Variants in RFX6 observed in about 807,000 individuals in gnomAD.
RFX6 encodes the protein regulatory factor X6, also known as DNA-binding protein RFX6.
A neutral mutation model predicts 110.8 loss-of-function variants in RFX6; 50 were observed. That is an observed-to-expected ratio of 0.45 (90% CI 0.36 to 0.57). The LOEUF (loss-of-function observed/expected upper bound fraction) is 0.57, where lower values mean the gene tolerates loss of function less well. Ranked by LOEUF, RFX6 falls within the 20% of genes least tolerant of loss-of-function variation. The pLI is 0.00. For synonymous variants in RFX6, 383 were observed against 411.2 expected (o/e 0.93, Z 0.83); for missense variants, 990 against 1,127.0 (o/e 0.88, Z 1.74).
rs756064363 is a variant in RFX6, at chr6:116,882,348, T to C, written c.505-19T>C. 1 of 1,603,630 alleles carries C rather than the reference T, an allele frequency of 6.2e-7. No individual in the cohort carries two copies. Among genetic ancestry groups the C allele is most frequent in the South Asian group, 1.1e-5 (1 of 90,864 alleles). On this transcript the variant is annotated intron_variant, in intron 3 of 18. Coordinates refer to ENST00000332958, the MANE Select transcript of RFX6 (RefSeq NM_173560.4). ...ACCATATACTTTCTAACGCCTAAAG[T>C]AATCATCTTTCTTTTTAGACAATTC...
intron 4 of RFX6, among the ~76,000 whole-genome samples, chr6:116,884,478 G>A (rs1305747359): frequency 6.6e-6 from 1 of 152,074 alleles, no homozygotes; most frequent in African/African-American, 2.4e-5. Flanking sequence ...AGGCAAAATG[G>A]GTCCCTTCCT....
intron 6 of RFX6, among the ~76,000 whole-genome samples, chr6:116,896,695 G>C (rs772103926): frequency 1.4e-4 from 16 of 116,918 alleles, no homozygotes; most frequent in Non-Finnish European, 2.1e-4. Context: ...GCAACAGTGT[G>C]AGACCCTATC....
chr6:116,879,197 T>G (rs1774533335), intron 2 of RFX6, among the ~76,000 whole-genome samples: 1 of 151,882 alleles, frequency 6.6e-6, no homozygotes, highest in Non-Finnish European at 1.5e-5. Context: ...TAAGTTAAGA[T>G]CAAAGAAAAA....
In RFX6 at chr6:116,877,281, C is replaced by G; in HGVS notation, c.6C>G (p.Ala2=). 1 of 1,609,792 alleles carries G rather than the reference C, an allele frequency of 6.2e-7. No homozygotes were observed. Among genetic ancestry groups the G allele is most frequent in the East Asian group, 2.2e-5 (1 of 44,592 alleles). M[A]KVPELEDTFL... is the part of the protein sequence containing the mutation. ...GGTGTCCGGCGGCCAGGAGGATGGCCAAGGTCCCGGAGCTGGAAGACACCT... is the reference window on the plus strand; with the variant it reads ...GGTGTCCGGCGGCCAGGAGGATGGCGAAGGTCCCGGAGCTGGAAGACACCT... Residue 2 remains alanine (A), a synonymous_variant, in exon 1 of 19, where the codon GCC becomes GCG. Transcript: ENST00000332958.
rs1000279683 is a variant in RFX6 at position 116,916,398 on chromosome 6, T to C, written c.972+84T>C. The C allele has an allele frequency of 1.4e-5, 12 of 874,372 alleles. No individual in the cohort carries two copies. The Admixed American group carries it at 2.1e-4, about 15-fold the overall frequency. The allele number at this position is 874,372 out of a possible 1,614,324, so 54.2% of individuals were successfully genotyped here. A position where few individuals can be genotyped will look rare whatever the true frequency, so the allele number is the denominator to read the frequency against. On this transcript the variant is annotated intron_variant, in intron 9 of 18. Coordinates refer to ENST00000332958, the MANE Select transcript of RFX6 (RefSeq NM_173560.4). ...CTAAATTCTTGCAATATATTTTCAG[T>C]AAATATGTTATTTATGGCTGGATAT... is the stretch of plus-strand genomic sequence containing the variant.
chr6:116,884,168 G>A (rs916351965), intron 4 of RFX6, among the ~76,000 whole-genome samples: 2 of 152,076 alleles, frequency 1.3e-5, no homozygotes, highest in African/African-American at 2.4e-5. Context: ...TTACCCATTT[G>A]AAAGAATGTC....
chr6:116,913,980 T>C (rs1341667258), intron 7 of RFX6, among the ~76,000 whole-genome samples: 1 of 152,232 alleles, frequency 6.6e-6, no homozygotes, highest in Admixed American at 6.5e-5. Flanking sequence ...CAATAGATTA[T>C]TGTAAGCTAT....
Position 116,920,433 on chromosome 6 carries a change from G to A in RFX6, c.1306G>A (p.Glu436Lys). The A allele has an allele frequency of 1.9e-6, 3 of 1,613,434 alleles. No individual in the cohort carries two copies. Among genetic ancestry groups the A allele is most frequent in the Non-Finnish European group, 2.5e-6 (3 of 1,179,490 alleles). Residue 436 changes from glutamate (E) to lysine (K), a missense_variant, in exon 12 of 19, where the codon GAA becomes AAA. By Grantham distance (56) the Glu-to-Lys change is moderately conservative. Around this residue, in one of 5 missense-constraint regions of RFX6, gnomAD observed 45 missense variants for 29.3 expected, o/e 1.53. Transcript: ENST00000332958. ...TACCATTTCAGGCAGCACAGACACT[G>A]AATCTGGTATCTACACTGAACGTAA... ...LLTISGSTDT[E>K]SGIYTEHDSI...
chr6:116,911,126 G>A, intron 7 of RFX6, 84 bp downstream of exon 7: 1 of 954,612 alleles, frequency 1.0e-6, no homozygotes, highest in Non-Finnish European at 1.7e-6. Flanking sequence ...TGGTACTGCA[G>A]GAAGCAATCA....
chr6:116,904,333 T>C (rs1346524617), intron 6 of RFX6, among the ~76,000 whole-genome samples: 1 of 152,100 alleles, frequency 6.6e-6, no homozygotes, highest in Non-Finnish European at 1.5e-5. Context: ...CAATATTCTA[T>C]TGTATCTTTT....
chr6:116,899,338 T>A (rs964807139), intron 6 of RFX6, among the ~76,000 whole-genome samples: 6 of 152,164 alleles, frequency 3.9e-5, no homozygotes, highest in Non-Finnish European at 8.8e-5. Context: ...GAGATGAATA[T>A]GTTACGAGCT....
intron 10 of RFX6, 61 bp from the exon 11 acceptor site, chr6:116,919,076 A>G (rs1245381209): frequency 2.7e-6 from 4 of 1,457,828 alleles, no homozygotes; most frequent in Non-Finnish European, 3.8e-6. Context: ...CCTCAATTAA[A>G]ATATGATTGT....
At chr6:116,918,255 T>C (rs1775513551) in intron 10 of RFX6, 169 bp downstream of exon 10, 6 of 585,306 alleles carry the variant, frequency 1.0e-5, no homozygotes, top group African/African-American at 7.4e-5. Context: ...TGGGCCTCAA[T>C]AAACAAAATG....
In RFX6 at chr6:116,931,832, C is replaced by CT. The variant is rs1775893167; in HGVS notation, c.*331dup. On this transcript the variant is annotated 3_prime_UTR_variant, in exon 19 of 19. Coordinates refer to ENST00000332958, the MANE Select transcript of RFX6 (RefSeq NM_173560.4). ...TCTAATTTATTAAACATCTGTGTGCCTTTTTATCTTTGGTTTCTTTTAAAA... is the reference window on the plus strand; with the variant it reads ...TCTAATTTATTAAACATCTGTGTGCCTTTTTTATCTTTGGTTTCTTTTAAAA... The CT allele has an allele frequency of 8.6e-6, 2 of 231,440 alleles. No homozygotes were observed. The highest frequency in any genetic ancestry group is 1.7e-5 in the Non-Finnish European group (2 of 118,136). The allele number at this position is 231,440 out of a possible 1,614,324, so 14.3% of individuals were successfully genotyped here.
intron 7 of RFX6, among the ~76,000 whole-genome samples, chr6:116,915,654 TTA>T (rs1175353685): frequency 6.6e-6 from 1 of 152,114 alleles, no homozygotes; most frequent in East Asian, 1.9e-4. Flanking sequence ...TTTTACTACT[TTA>T]TGTTTATTTA....
At chr6:116,899,002 C>A (rs1263992449) in intron 6 of RFX6, among the ~76,000 whole-genome samples, 1 of 152,092 alleles carries the variant, frequency 6.6e-6, no homozygotes, top group Non-Finnish European at 1.5e-5. Flanking sequence ...AATGGTTGTT[C>A]AAATCATTTT....
At chr6:116,887,067 A>G (rs1218259009) in intron 4 of RFX6, among the ~76,000 whole-genome samples, 3 of 152,176 alleles carry the variant, frequency 2.0e-5, no homozygotes, top group Non-Finnish European at 4.4e-5. Context: ...ATCTCAAAAC[A>G]TAACAAAACA....
chr6:116,910,590 T>C (rs1775328897), intron 6 of RFX6, among the ~76,000 whole-genome samples: 1 of 152,212 alleles, frequency 6.6e-6, no homozygotes, highest in African/African-American at 2.4e-5. Flanking sequence ...ATAGTTAAAA[T>C]AATTTCAGTA....
Position 116,880,628 on chromosome 6 carries a change from A to G in RFX6, c.465A>G (p.Lys155=), listed in dbSNP as rs1474997147. The G allele has an allele frequency of 6.2e-7, 1 of 1,613,466 alleles. No individual in the cohort carries two copies. The highest frequency in any genetic ancestry group is 8.5e-7 in the Non-Finnish European group (1 of 1,179,590). The change falls in exon 3 of 19, where the codon AAA becomes AAG. Residue 155 remains lysine, a synonymous_variant. Transcript: ENST00000332958. Reference sequence around the variant, plus strand: ...CACACTACTTAGATTTCTGTAGGAAAGAGAAATTAGAGCCAGCCTGTGCGG... The same window carrying G: ...CACACTACTTAGATTTCTGTAGGAAGGAGAAATTAGAGCCAGCCTGTGCGG... ...LYAHYLDFCR[K]EKLEPACAAT...
Sources: gnomAD v4.1 joint callset for allele counts (sites outside exome capture counted in the v4.1 genomes callset) on GRCh38, gnomAD v4.1.1 for gene constraint, gnomAD v4.1.1 regional missense constraint, MANE v1.5 for transcripts, NCBI Gene and HGNC (gene_info 2026-07-23, HGNC 2026-07-21) for gene names.